Variants in ZRANB3 observed in about 807,000 individuals in gnomAD.
ZRANB3 encodes the protein zinc finger RANBP2-type containing 3, also known as DNA annealing helicase and endonuclease ZRANB3.
In ZRANB3, 125 loss-of-function variants were observed where a neutral mutation model predicts 133.8. The observed-to-expected ratio is 0.93, with a 90% CI of 0.81 to 1.08. The LOEUF is 1.08. ZRANB3 is among the 50% of genes least tolerant of loss of function. The pLI, the probability that ZRANB3 is intolerant of heterozygous loss-of-function variation, is 0.00. For missense variants in ZRANB3, 1,229 were observed against 1,275.5 expected, an observed-to-expected ratio of 0.96 and a Z score of 0.56; for synonymous variants, 387 against 432.7, an observed-to-expected ratio of 0.89 and a Z score of 1.31.
intron 11 of ZRANB3, 33 bp downstream of exon 11, chr2:135,268,929 A>ATTACT (rs1453496844): frequency 6.4e-7 from 1 of 1,571,134 alleles, no homozygotes; most frequent in Non-Finnish European, 8.6e-7. Flanking sequence ...AATAGTAAGT[A>ATTACT]AGCTGCTAAC....
intron 3 of ZRANB3, among the ~76,000 whole-genome samples, chr2:135,370,033 C>CTTTTTT (rs548070677): frequency 1.7e-5 from 2 of 119,352 alleles, no homozygotes; most frequent in Non-Finnish European, 3.8e-5. Context: ...GGGCATGTTT[C>CTTTTTT]TTTTTTTTTT....
intron 2 of ZRANB3, among the ~76,000 whole-genome samples, chr2:135,402,294 T>A (rs953506916): frequency 7.0e-6 from 1 of 142,124 alleles, no homozygotes; most frequent in African/African-American, 2.9e-5. Flanking sequence ...ATTCTTTCTC[T>A]CTTTTTTTTT....
At chr2:135,471,160 G>A (rs1691251967) in intron 2 of ZRANB3, among the ~76,000 whole-genome samples, 1 of 150,312 alleles carries the variant, frequency 6.7e-6, no homozygotes, top group Non-Finnish European at 1.5e-5. Context: ...AGAAATTACA[G>A]AAATTTCTTT....
At chr2:135,358,439 G>T (rs181613191) in intron 3 of ZRANB3, among the ~76,000 whole-genome samples, 79 of 152,264 alleles carry the variant, frequency 5.2e-4, no homozygotes, top group African/African-American at 1.9e-3. Context: ...ATTCGGTGAT[G>T]AATTTAGGCA....
At chr2:135,214,777 C>T (rs893742886) in intron 17 of ZRANB3, among the ~76,000 whole-genome samples, 3 of 152,108 alleles carry the variant, frequency 2.0e-5, no homozygotes, top group South Asian at 2.1e-4. Context: ...AAATGACACA[C>T]GCCCATGGGA....
intron 2 of ZRANB3, among the ~76,000 whole-genome samples, chr2:135,480,700 T>G (rs4954260): frequency 0.26 from 37,595 of 147,380 alleles, 8,218 homozygotes; most frequent in African/African-American, 0.59. Context: ...TGCCATGCTG[T>G]TGTGCTGCAC....
intron 15 of ZRANB3, among the ~76,000 whole-genome samples, chr2:135,222,568 A>C (rs1694597634): frequency 6.6e-6 from 1 of 152,004 alleles, no homozygotes; most frequent in Admixed American, 6.6e-5. Context: ...TTCTTTCACA[A>C]ATGTATGGTG....
At chr2:135,477,563 G>A (rs955708452) in intron 2 of ZRANB3, among the ~76,000 whole-genome samples, 11 of 152,258 alleles carry the variant, frequency 7.2e-5, no homozygotes, top group East Asian at 3.9e-4. Flanking sequence ...ATCTATTGCC[G>A]GTTTTTGGTA....
At chr2:135,475,885 C>A (rs1349022216) in intron 2 of ZRANB3, among the ~76,000 whole-genome samples, 1 of 152,098 alleles carries the variant, frequency 6.6e-6, no homozygotes, top group Non-Finnish European at 1.5e-5. Context: ...CAAGACCATC[C>A]TGGCCAACAT....
chr2:135,225,465 G>A (rs1694722232), intron 14 of ZRANB3, among the ~76,000 whole-genome samples: 2 of 152,108 alleles, frequency 1.3e-5, no homozygotes, highest in Admixed American at 1.3e-4. Flanking sequence ...ATTCAAAAAC[G>A]CACTTTAACA....
chr2:135,197,137 A>C lies in ZRANB3; in HGVS notation c.*3205T>G, dbSNP rs1573648520. ...ATTCAGATAGATTAGTGCAGTGACT[A>C]GGAGCCCACAATTTTCCAGTTCAAA... On this transcript the variant is annotated 3_prime_UTR_variant, in exon 21 of 21. Transcript: ENST00000264159. 1 of 152,226 alleles carries C rather than the reference A, an allele frequency of 6.6e-6. No homozygotes were observed. Among genetic ancestry groups the C allele is most frequent in the African/African-American group, 2.4e-5 (1 of 41,458 alleles). 9.4% of individuals were successfully genotyped at this position (152,226 alleles called of 1,614,324 possible). A position where few individuals can be genotyped will look rare whatever the true frequency, so the allele number is the denominator to read the frequency against.
intron 6 of ZRANB3, among the ~76,000 whole-genome samples, chr2:135,343,135 G>A (rs4954243): frequency 0.12 from 17,646 of 142,044 alleles, 1,833 homozygotes; most frequent in South Asian, 0.32. Context: ...GCGGTGAGCC[G>A]TGACTGTGCC....
At chr2:135,351,265 C>CT (rs34205567) in intron 4 of ZRANB3, among the ~76,000 whole-genome samples, 4,631 of 119,676 alleles carry the variant, frequency 0.039, 116 homozygotes, top group Admixed American at 0.055. Context: ...CTATAATTTT[C>CT]TTTTTTTTTT....
intron 13 of ZRANB3, 90 bp from the exon 14 acceptor site, chr2:135,228,105 A>G (rs1694830575): frequency 9.0e-7 from 1 of 1,105,992 alleles, no homozygotes; most frequent in African/African-American, 1.6e-5. Context: ...TATAAAAAGA[A>G]AGTGAATAAT....
intron 2 of ZRANB3, among the ~76,000 whole-genome samples, chr2:135,409,307 G>A (rs1254239097): frequency 2.0e-5 from 3 of 152,080 alleles, no homozygotes; most frequent in African/African-American, 7.2e-5. Flanking sequence ...CTCCAACATT[G>A]GGGATTACAT....
chr2:135,527,343 G>A (rs538294713), intron 1 of ZRANB3, among the ~76,000 whole-genome samples: 3 of 152,250 alleles, frequency 2.0e-5, no homozygotes, highest in East Asian at 1.9e-4. Flanking sequence ...TGGATCACTC[G>A]AGGTCAGGAG....
At chr2:135,442,625 G>A (rs1689829732) in intron 2 of ZRANB3, among the ~76,000 whole-genome samples, 1 of 152,174 alleles carries the variant, frequency 6.6e-6, no homozygotes, top group South Asian at 2.1e-4. Context: ...AACCATTGTG[G>A]AAGACAGTGT....
chr2:135,285,723 T>G (rs60156667), intron 8 of ZRANB3, among the ~76,000 whole-genome samples: 15,898 of 152,304 alleles, frequency 0.1, 1,092 homozygotes, highest in South Asian at 0.32. Context: ...GAAAAATAAC[T>G]GGCATTTCTC....
chr2:135,423,914 T>C (rs934270880), intron 2 of ZRANB3, among the ~76,000 whole-genome samples: 1 of 152,204 alleles, frequency 6.6e-6, no homozygotes, highest in African/African-American at 2.4e-5. Context: ...CAGCAAAGAC[T>C]GCAGTCAACA....
Sources: gnomAD v4.1 joint callset for allele counts (sites outside exome capture counted in the v4.1 genomes callset) on GRCh38, gnomAD v4.1.1 for gene constraint, MANE v1.5 for transcripts, NCBI Gene and HGNC (gene_info 2026-07-23, HGNC 2026-07-21) for gene names.